SYTL5: variants seen among roughly 807,000 people sequenced by gnomAD.
The protein encoded by SYTL5 is synaptotagmin like 5, also known as synaptotagmin-like protein 5.
SYTL5 carries 34 observed loss-of-function variants against 55.9 expected under a neutral mutation model. The observed-to-expected ratio is 0.61, with a 90% CI of 0.46 to 0.81. The LOEUF is 0.81. Ranked by LOEUF, SYTL5 falls within the 30% of genes least tolerant of loss-of-function variation. The probability of loss-of-function intolerance (pLI) is 0.00; values close to 1 mark genes in which losing one functional copy is unlikely to be tolerated. For missense variants in SYTL5, 637 were observed against 546.7 expected (o/e 1.17, Z -1.65); for synonymous variants, 221 against 188.7 (o/e 1.17, Z -1.40).
the SYTL5 span, among the ~76,000 whole-genome samples, chrX:37,970,090 G>T: frequency 8.9e-6 from 1 of 112,249 alleles, no homozygotes; most frequent in East Asian, 2.8e-4. Context: ...ATTTAGTTTT[G>T]TATTAGTGCA....
intron 5 of SYTL5, among the ~76,000 whole-genome samples, chrX:38,075,125 T>A (rs1417408286): frequency 9.0e-6 from 1 of 111,472 alleles, no homozygotes; most frequent in Non-Finnish European, 1.9e-5. Context: ...TAGAGTAGGT[T>A]ACAGAATAGT....
In SYTL5 at chrX:38,110,451, C is replaced by T; in HGVS notation, c.1565C>T (p.Pro522Leu). 8.3e-7 allele frequency: 1 copy of T among 1,205,874 alleles called. No individual in the cohort carries two copies. Among genetic ancestry groups the T allele is most frequent in the Non-Finnish European group, 1.1e-6 (1 of 892,379 alleles). Residue 522 changes from proline to leucine, a missense_variant, in exon 13 of 17, where the codon CCA becomes CTA. By Grantham distance (98) the Pro-to-Leu change is moderately conservative (BLOSUM62 -3). Transcript: ENST00000297875. ...IPFDSWNFEN[P>L]TDEWFVLQPK... is the part of the protein sequence containing the mutation. ...TTTGACTCATGGAACTTTGAAAATC[C>T]AACTGATGAGTGGTTTGTGCTTCAA...
intron 9 of SYTL5, among the ~76,000 whole-genome samples, chrX:38,101,379 C>A (rs60883552): frequency 1.8e-5 from 2 of 109,589 alleles, no homozygotes; most frequent in Non-Finnish European, 3.8e-5. Context: ...TAAAGCAAGC[C>A]CAGAAGTGTA....
At chrX:37,962,917 A>G in the SYTL5 span, among the ~76,000 whole-genome samples, 1 of 111,790 alleles carries the variant, frequency 8.9e-6, no homozygotes, top group Admixed American at 9.5e-5. Flanking sequence ...TACTATCAAC[A>G]TACAAAATTG....
the SYTL5 span, among the ~76,000 whole-genome samples, chrX:37,968,263 T>A: frequency 9.0e-6 from 1 of 111,407 alleles, no homozygotes; most frequent in Admixed American, 9.5e-5. Flanking sequence ...ACAGTACCCA[T>A]TTTCATAAGA....
At chrX:37,976,794 A>G in the SYTL5 span, among the ~76,000 whole-genome samples, 1 of 96,959 alleles carries the variant, frequency 1.0e-5, no homozygotes, top group Non-Finnish European at 2.0e-5. Context: ...TCTCTACTAA[A>G]AATACAAAAA....
Position 38,054,336 on chromosome X carries a change from T to A in SYTL5, c.243T>A (p.Cys81Ter). Residue 81 changes from cysteine to a stop codon, truncating the protein, a stop_gained, in exon 3 of 17, where the codon TGT (cysteine) becomes TGA (stop). Coordinates refer to ENST00000297875, the MANE Select transcript of SYTL5 (RefSeq NM_138780.3). LOFTEE classifies it high-confidence loss of function. ...TAATCTTTGACCGGGGAGACCCTTGTCAGGCTTGCTCACTGAGGGTATGCA... is the reference window on the plus strand; with the variant it reads ...TAATCTTTGACCGGGGAGACCCTTGACAGGCTTGCTCACTGAGGGTATGCA... ...LGLIFDRGDP[C>*]QACSLRVCRE... 3 of 1,211,308 alleles carry A rather than the reference T, an allele frequency of 2.5e-6. No individual in the cohort carries two copies. Among genetic ancestry groups the A allele is most frequent in the Non-Finnish European group, 3.4e-6 (3 of 895,304 alleles).
chrX:38,099,201 C>G (rs1937018933), intron 9 of SYTL5, among the ~76,000 whole-genome samples: 2 of 110,775 alleles, frequency 1.8e-5, no homozygotes, highest in Admixed American at 1.9e-4. Context: ...AGGAAAATAG[C>G]TGGAAAAGTG....
chrX:38,027,717 C>T (rs1262963892), intron 1 of SYTL5, among the ~76,000 whole-genome samples: 3 of 111,297 alleles, frequency 2.7e-5, no homozygotes, highest in Non-Finnish European at 5.7e-5. Context: ...TTTAAATTGG[C>T]TTTGATGGAA....
intron 2 of SYTL5, among the ~76,000 whole-genome samples, chrX:38,039,291 T>A: frequency 8.9e-6 from 1 of 112,499 alleles, no homozygotes; most frequent in Middle Eastern, 4.6e-3. Flanking sequence ...TCACTCAAAT[T>A]TATTGACGGC....
chrX:37,896,266 G>T, the SYTL5 span, among the ~76,000 whole-genome samples: 1 of 112,025 alleles, frequency 8.9e-6, no homozygotes, highest in Non-Finnish European at 1.9e-5. Flanking sequence ...ACAAATGAAT[G>T]GAGAGTCTTT....
Position 38,115,202 on chromosome X carries a change from A to AATTCCTTT in SYTL5, c.1596+4720_1596+4721insATTCCTTT, listed in dbSNP as rs1325991026. 6.4e-4 allele frequency among the ~76,000 whole-genome samples: 70 copies of AATTCCTTT among 110,209 alleles called. 1 individual carries two copies. The highest frequency in any genetic ancestry group is 1.6e-3 in the African/African-American group (47 of 29,749). On this transcript the variant is annotated intron_variant, in intron 13 of 16. Transcript: ENST00000297875. ...GAGATCTCTTTAAGATACTTATTTC[A>AATTCCTTT]GGCCGGGCGCGGTGGCTCACGCCTG... is the stretch of plus-strand genomic sequence containing the variant.
chrX:38,001,890 G>A (rs1349986886), upstream of SYTL5, among the ~76,000 whole-genome samples: 3 of 110,759 alleles, frequency 2.7e-5, no homozygotes, highest in Non-Finnish European at 5.7e-5. Flanking sequence ...TATACTTTAA[G>A]TTTTAGGGTA....
chrX:37,941,028 G>T, the SYTL5 span, among the ~76,000 whole-genome samples: 1 of 112,048 alleles, frequency 8.9e-6, no homozygotes, highest in Admixed American at 9.4e-5. Context: ...ATCAGTGGTA[G>T]AATTAGATGC....
chrX:37,903,336 G>A, the SYTL5 span, among the ~76,000 whole-genome samples: 2 of 106,039 alleles, frequency 1.9e-5, no homozygotes, highest in Admixed American at 1.0e-4. Flanking sequence ...TTAAGAAAAT[G>A]TGGCACATAT....
chrX:38,010,998 C>T (rs1370548708), intron 1 of SYTL5, among the ~76,000 whole-genome samples: 1 of 111,074 alleles, frequency 9.0e-6, no homozygotes, highest in African/African-American at 3.3e-5. Flanking sequence ...GGTAATTGGA[C>T]CAGATTTCAA....
chrX:38,097,653 G>T (rs1936969122), intron 9 of SYTL5, among the ~76,000 whole-genome samples: 1 of 110,070 alleles, frequency 9.1e-6, no homozygotes, highest in Non-Finnish European at 1.9e-5. Flanking sequence ...TGTAGACAAT[G>T]CAAGCCCAAT....
chrX:38,066,955 G>A (rs190684189), intron 3 of SYTL5, among the ~76,000 whole-genome samples: 3 of 111,613 alleles, frequency 2.7e-5, no homozygotes, highest in African/African-American at 9.8e-5. Flanking sequence ...TAGAGATACC[G>A]TATATAAAGT....
chrX:38,008,880 T>C (rs1305918215), intron 1 of SYTL5, among the ~76,000 whole-genome samples: 1 of 112,181 alleles, frequency 8.9e-6, no homozygotes, highest in Non-Finnish European at 1.9e-5. Context: ...CAGGCATTGC[T>C]GAGCACTGAA....
Sources: gnomAD v4.1 joint callset for allele counts (sites outside exome capture counted in the v4.1 genomes callset) on GRCh38, gnomAD v4.1.1 for gene constraint, MANE v1.5 for transcripts, NCBI Gene and HGNC (gene_info 2026-07-23, HGNC 2026-07-21) for gene names.